STK33: variants seen among roughly 807,000 people sequenced by gnomAD.
The protein encoded by STK33 is serine/threonine-protein kinase 33.
A neutral mutation model predicts 58.0 loss-of-function variants in STK33; 52 were observed. The ratio of observed to expected loss-of-function variants is 0.90; its 90% confidence interval spans 0.72 to 1.13. STK33 has a LOEUF of 1.13. STK33 is among the 50% of genes most tolerant of loss of function. The pLI is 0.00. For synonymous variants in STK33, 215 were observed against 200.1 expected (o/e 1.07, Z -0.63); for missense variants, 630 against 604.2 (o/e 1.04, Z -0.45).
chr11:8,419,667 T>G (rs1941633878), intron 14 of STK33, among the ~76,000 whole-genome samples: 1 of 152,266 alleles, frequency 6.6e-6, no homozygotes, highest in South Asian at 2.1e-4. Flanking sequence ...GTAAACTGCT[T>G]TGGGCAGTAT....
chr11:8,583,112 GGTCATAC>G (rs1449803580), intron 1 of STK33, among the ~76,000 whole-genome samples: 1 of 152,112 alleles, frequency 6.6e-6, no homozygotes, highest in Non-Finnish European at 1.5e-5. Context: ...ACTTCTTACA[GGTCATAC>G]GTAATTATGT....
In STK33 at chr11:8,521,179, T is replaced by A. The variant is rs951164509; in HGVS notation, c.-465-40565A>T. Among the ~76,000 whole-genome samples, 5 of 152,274 alleles carry A rather than the reference T, an allele frequency of 3.3e-5. No homozygotes were observed. In the East Asian group the frequency reaches 9.6e-4, roughly 29 times the overall value. ...AGAGCCCCCATTGCCAAGACAATCC[T>A]AAGCCAAAAGAACAAAGCTGGAGGC... On this transcript the variant is annotated intron_variant, in intron 1 of 15. Transcript: ENST00000687296.
At chr11:8,462,863 T>A (rs1048053466) in intron 7 of STK33, among the ~76,000 whole-genome samples, 1 of 152,148 alleles carries the variant, frequency 6.6e-6, no homozygotes, top group African/African-American at 2.4e-5. Context: ...CTTGAAATTG[T>A]CATTATTTGA....
the STK33 span, among the ~76,000 whole-genome samples, chr11:8,339,857 C>T: frequency 2.6e-5 from 4 of 152,238 alleles, no homozygotes; most frequent in Non-Finnish European, 4.4e-5. Context: ...TCCCTGACCA[C>T]GCCTCACCAC....
chr11:8,532,958 T>G (rs1351745716), intron 1 of STK33, among the ~76,000 whole-genome samples: 2 of 152,192 alleles, frequency 1.3e-5, no homozygotes, highest in Admixed American at 1.3e-4. Flanking sequence ...CATAAAAAAG[T>G]AGAAAAATAA....
At chr11:8,466,100 T>C (rs1391855214) in intron 6 of STK33, 1 of 152,156 alleles carries the variant, frequency 6.6e-6, no homozygotes, top group Non-Finnish European at 1.5e-5. Flanking sequence ...CACATGGGAA[T>C]TATGGGAGCT....
At chr11:8,452,592 C>T (rs926926077) in intron 11 of STK33, among the ~76,000 whole-genome samples, 1 of 151,634 alleles carries the variant, frequency 6.6e-6, no homozygotes, top group Non-Finnish European at 1.5e-5. Flanking sequence ...GAGACCATCC[C>T]GGGCAAACAG....
chr11:8,374,352 C>G, the STK33 span, among the ~76,000 whole-genome samples: 1 of 152,146 alleles, frequency 6.6e-6, no homozygotes, highest in Non-Finnish European at 1.5e-5. Context: ...TTCATCTGCT[C>G]GAGCTACCAT....
the STK33 span, among the ~76,000 whole-genome samples, chr11:8,352,641 G>T: frequency 6.6e-6 from 1 of 152,186 alleles, no homozygotes; most frequent in African/African-American, 2.4e-5. Context: ...TTGTTTGTGC[G>T]CTTTGAAGAC....
intron 1 of STK33, among the ~76,000 whole-genome samples, chr11:8,538,678 G>A (rs1247449847): frequency 4.6e-5 from 7 of 152,178 alleles, no homozygotes; most frequent in South Asian, 2.1e-4. Flanking sequence ...TTGGCAGAGC[G>A]ACCTAACCTA....
At chr11:8,390,461 GCC>G (rs1848604881), downstream of STK33, among the ~76,000 whole-genome samples, 1 of 152,024 alleles carries the variant, frequency 6.6e-6, no homozygotes, top group Non-Finnish European at 1.5e-5. Context: ...AGGAAGGAAG[GCC>G]ATATATCCCC....
the STK33 span, among the ~76,000 whole-genome samples, chr11:8,370,149 A>G: frequency 1.3e-5 from 2 of 152,168 alleles, no homozygotes; most frequent in African/African-American, 4.8e-5. Flanking sequence ...CGGTAGAGCT[A>G]AGGGGGAACA....
intron 12 of STK33, among the ~76,000 whole-genome samples, chr11:8,438,675 T>C (rs1944362465): frequency 6.6e-6 from 1 of 152,128 alleles, no homozygotes; most frequent in Non-Finnish European, 1.5e-5. Context: ...TATAATACAT[T>C]CACTTTCCTT....
chr11:8,572,926 T>C (rs1342191879), intron 1 of STK33, among the ~76,000 whole-genome samples: 1 of 151,886 alleles, frequency 6.6e-6, no homozygotes, highest in Non-Finnish European at 1.5e-5. Context: ...CAATGACCTG[T>C]GAGAGAGTAT....
At chr11:8,380,338 T>C in the STK33 span, among the ~76,000 whole-genome samples, 1 of 152,092 alleles carries the variant, frequency 6.6e-6, no homozygotes, top group African/African-American at 2.4e-5. Flanking sequence ...GATGGGTGGA[T>C]TGCTTGAGTT....
chr11:8,508,713 G>T (rs1225167896), intron 1 of STK33, among the ~76,000 whole-genome samples: 1 of 152,156 alleles, frequency 6.6e-6, no homozygotes, highest in Non-Finnish European at 1.5e-5. Context: ...CCTCAATCGG[G>T]ACATGTGAGG....
intron 14 of STK33, among the ~76,000 whole-genome samples, chr11:8,415,151 G>C (rs1208455123): frequency 3.3e-5 from 5 of 151,928 alleles, no homozygotes; most frequent in African/African-American, 1.2e-4. Context: ...CCAGGGTCCT[G>C]GAATGCAAGT....
intron 14 of STK33, among the ~76,000 whole-genome samples, chr11:8,424,277 T>TG (rs1438997206): frequency 6.6e-6 from 1 of 151,246 alleles, no homozygotes; most frequent in African/African-American, 2.4e-5. Flanking sequence ...CTGAGAATGA[T>TG]GGTTTCCAGC....
At chr11:8,585,928 C>A (rs2031508918) in intron 1 of STK33, among the ~76,000 whole-genome samples, 1 of 152,062 alleles carries the variant, frequency 6.6e-6, no homozygotes, top group African/African-American at 2.4e-5. Context: ...TGGCACACAC[C>A]TATCATCCCA....
Sources: gnomAD v4.1 joint callset for allele counts (sites outside exome capture counted in the v4.1 genomes callset) on GRCh38, gnomAD v4.1.1 for gene constraint, MANE v1.5 for transcripts, NCBI Gene and HGNC (gene_info 2026-07-23, HGNC 2026-07-21) for gene names.